Variants in PDZRN4 observed in about 807,000 individuals in gnomAD.
PDZRN4 encodes the protein PDZ domain containing ring finger 4, also known as PDZ domain-containing RING finger protein 4.
PDZRN4 carries 70 observed loss-of-function variants against 99.0 expected under a neutral mutation model. The observed-to-expected ratio is 0.71, with a 90% CI of 0.58 to 0.86. PDZRN4 has a LOEUF of 0.86. PDZRN4 is among the 40% of genes least tolerant of loss of function. The pLI is 0.00. For synonymous variants in PDZRN4, 551 were observed against 501.6 expected, an observed-to-expected ratio of 1.10 and a Z score of -1.32; for missense variants, 1,474 against 1,331.2, an observed-to-expected ratio of 1.11 and a Z score of -1.67.
intron 3 of PDZRN4, among the ~76,000 whole-genome samples, chr12:41,295,371 A>AAG (rs200497978): frequency 0.014 from 2,199 of 152,304 alleles, 22 homozygotes; most frequent in Middle Eastern, 0.034. Context: ...AAAACAAAGA[A>AAG]AATATAAATT....
At chr12:41,338,322 T>C (rs1429380263) in intron 3 of PDZRN4, among the ~76,000 whole-genome samples, 1 of 152,122 alleles carries the variant, frequency 6.6e-6, no homozygotes, top group Non-Finnish European at 1.5e-5. Context: ...CCAATTCTTA[T>C]ACTTCTTCAT....
At chr12:41,438,938 A>G (rs1163217216) in intron 3 of PDZRN4, among the ~76,000 whole-genome samples, 1 of 152,186 alleles carries the variant, frequency 6.6e-6, no homozygotes, top group Non-Finnish European at 1.5e-5. Context: ...ATGAAGGACG[A>G]TGCTTGGGAT....
At chr12:41,387,282 C>T (rs1952177491) in intron 3 of PDZRN4, among the ~76,000 whole-genome samples, 1 of 151,936 alleles carries the variant, frequency 6.6e-6, no homozygotes, top group Non-Finnish European at 1.5e-5. Flanking sequence ...AACAAACAAC[C>T]CCATTAAAAA....
chr12:41,355,772 G>T (rs1042598450), intron 3 of PDZRN4, among the ~76,000 whole-genome samples: 6 of 152,020 alleles, frequency 3.9e-5, no homozygotes, highest in African/African-American at 1.2e-4. Context: ...CTTGTTCAGA[G>T]AATTAAACTT....
intron 6 of PDZRN4, among the ~76,000 whole-genome samples, chr12:41,553,489 G>A (rs1939093539): frequency 6.6e-6 from 1 of 151,434 alleles, no homozygotes; most frequent in South Asian, 2.1e-4. Flanking sequence ...GCCGAGACAG[G>A]AAGATTGCCT....
intron 3 of PDZRN4, among the ~76,000 whole-genome samples, chr12:41,388,028 C>T (rs913473235): frequency 6.6e-6 from 1 of 152,166 alleles, no homozygotes; most frequent in African/African-American, 2.4e-5. Flanking sequence ...AACTTAATTG[C>T]CTATCCATGT....
intron 3 of PDZRN4, among the ~76,000 whole-genome samples, chr12:41,269,397 A>G (rs1951299126): frequency 6.6e-6 from 1 of 152,218 alleles, no homozygotes; most frequent in South Asian, 2.1e-4. Flanking sequence ...TCATACAAGA[A>G]GCAGATAGCT....
At chr12:41,490,703 TC>T (rs756212467) in intron 3 of PDZRN4, among the ~76,000 whole-genome samples, 2 of 152,144 alleles carry the variant, frequency 1.3e-5, no homozygotes, top group Non-Finnish European at 2.9e-5. Flanking sequence ...CTCTTCAACA[TC>T]CTTCGTTTTA....
chr12:41,270,726 T>C (rs1319974801), intron 3 of PDZRN4, among the ~76,000 whole-genome samples: 2 of 152,138 alleles, frequency 1.3e-5, no homozygotes, highest in Non-Finnish European at 2.9e-5. Context: ...ATGCAGCCAG[T>C]TGGAAGAAAT....
chr12:41,217,176 G>A (rs949073603), intron 3 of PDZRN4, among the ~76,000 whole-genome samples: 1 of 152,018 alleles, frequency 6.6e-6, no homozygotes, highest in East Asian at 1.9e-4. Flanking sequence ...CAGTCTTCAG[G>A]TTCAAGCAGC....
intron 3 of PDZRN4, among the ~76,000 whole-genome samples, chr12:41,339,232 A>G (rs1248346976): frequency 1.3e-5 from 2 of 152,076 alleles, no homozygotes; most frequent in African/African-American, 4.8e-5. Flanking sequence ...ACAAACACAT[A>G]GACGAATGGA....
At chr12:41,457,917 G>A (rs1344920660) in intron 3 of PDZRN4, among the ~76,000 whole-genome samples, 3 of 152,156 alleles carry the variant, frequency 2.0e-5, no homozygotes, top group Non-Finnish European at 4.4e-5. Context: ...TGACCCTGTA[G>A]GGGCTTTATG....
At chr12:41,268,626 A>G (rs1951295111) in intron 3 of PDZRN4, among the ~76,000 whole-genome samples, 2 of 152,226 alleles carry the variant, frequency 1.3e-5, no homozygotes, top group Non-Finnish European at 2.9e-5. Flanking sequence ...TTGTAAATAT[A>G]ATTTTAGAAA....
intron 3 of PDZRN4, among the ~76,000 whole-genome samples, chr12:41,209,283 A>G (rs1160055728): frequency 6.6e-6 from 1 of 151,690 alleles, no homozygotes; most frequent in Non-Finnish European, 1.5e-5. Context: ...ATTAGGCATC[A>G]TTTTCTTTAT....
At chr12:41,517,870 C>A (rs947347079) in intron 5 of PDZRN4, among the ~76,000 whole-genome samples, 2 of 152,170 alleles carry the variant, frequency 1.3e-5, no homozygotes, top group African/African-American at 4.8e-5. Context: ...TATATCTCAA[C>A]TGGTATCAAG....
At chr12:41,567,519 G>A (rs1939395231) in intron 8 of PDZRN4, among the ~76,000 whole-genome samples, 1 of 152,078 alleles carries the variant, frequency 6.6e-6, no homozygotes, top group Non-Finnish European at 1.5e-5. Context: ...TTGAAAGAAG[G>A]TAATATTCTG....
At chr12:41,520,939 G>A (rs1015555531) in intron 5 of PDZRN4, among the ~76,000 whole-genome samples, 8 of 152,188 alleles carry the variant, frequency 5.3e-5, no homozygotes, top group African/African-American at 1.7e-4. Flanking sequence ...TCTAGACATC[G>A]TTGAATTTTA....
intron 3 of PDZRN4, among the ~76,000 whole-genome samples, chr12:41,423,469 A>G (rs1249688066): frequency 2.0e-5 from 3 of 152,144 alleles, no homozygotes; most frequent in Non-Finnish European, 4.4e-5. Context: ...CGCAAAGGGC[A>G]TTAACTCATC....
intron 3 of PDZRN4, among the ~76,000 whole-genome samples, chr12:41,451,106 GAGA>G (rs1250152306): frequency 6.6e-6 from 1 of 151,398 alleles, no homozygotes; most frequent in East Asian, 1.9e-4. Context: ...ATAGAATTGA[GAGA>G]AAGTCAGACC....
Sources: allele counts gnomAD v4.1 joint callset (sites outside exome capture counted in the v4.1 genomes callset), GRCh38; gene constraint gnomAD v4.1.1; transcripts MANE v1.5; gene names NCBI Gene and HGNC (gene_info 2026-07-23, HGNC 2026-07-21).